Variants in SHROOM3 observed in about 807,000 individuals in gnomAD.
SHROOM3 encodes the protein protein Shroom3.
Under a neutral mutation model 138.6 loss-of-function variants are expected in SHROOM3, and 47 were observed. The ratio of observed to expected loss-of-function variants is 0.34; its 90% confidence interval spans 0.27 to 0.43. The LOEUF (loss-of-function observed/expected upper bound fraction) is 0.43. SHROOM3 is among the 20% of genes least tolerant of loss of function. SHROOM3 has a pLI of 1.00. For synonymous variants in SHROOM3, 1,062 were observed against 1,063.3 expected (o/e 1.00, Z 0.02); for missense variants, 2,491 against 2,596.5 (o/e 0.96, Z 0.88).
intron 1 of SHROOM3, among the ~76,000 whole-genome samples, chr4:76,484,028 A>G (rs911491982): frequency 2.6e-5 from 4 of 152,110 alleles, no homozygotes; most frequent in Non-Finnish European, 4.4e-5. Flanking sequence ...GCATTAGGAG[A>G]AATACCTAAT....
In SHROOM3 at chr4:76,779,090, T is replaced by G; in HGVS notation, c.5904T>G (p.Ala1968=). Residue 1968 remains alanine (A), a synonymous_variant, in exon 11 of 11, where the codon GCT becomes GCG. Transcript: ENST00000296043. ...TCATTCCCAAGGCTGGGGCCCTGGC[T>G]CTGCCCCCAAACCTCACGAGTGAGC... ...SDFIPKAGAL[A]LPPNLTSEPI... 1 of 1,614,198 alleles carries G rather than the reference T, an allele frequency of 6.2e-7. No individual in the cohort carries two copies. The highest frequency in any genetic ancestry group is 8.5e-7 in the Non-Finnish European group (1 of 1,180,042).
Position 76,741,871 on chromosome 4 carries a change from C to G in SHROOM3, c.3698C>G (p.Ala1233Gly), listed in dbSNP as rs759244063. The change falls in exon 5 of 11, where the codon GCG becomes GGG. Residue 1233 changes from alanine (A) to glycine (G), a missense_variant. Coordinates refer to ENST00000296043, the MANE Select transcript of SHROOM3 (RefSeq NM_020859.4). This position sits in a 1 kb window ranked among gnomAD's most constrained non-coding sequence, Gnocchi z 6.2. Reference sequence around the variant, plus strand: ...CTGCTGGAACGCTCGGACGTCCTTGCGGGCCCTGTCCATGTGAGGTCCAGG... The same window carrying G: ...CTGCTGGAACGCTCGGACGTCCTTGGGGGCCCTGTCCATGTGAGGTCCAGG... ...EDLLERSDVLAGPVHVRSRSS... is the reference protein window; with the variant it reads ...EDLLERSDVLGGPVHVRSRSS... The G allele has an allele frequency of 6.2e-7, 1 of 1,611,596 alleles. No individual in the cohort carries two copies. Among genetic ancestry groups the G allele is most frequent in the South Asian group, 1.1e-5 (1 of 90,718 alleles).
At chr4:76,494,805 T>C (rs753637379) in intron 1 of SHROOM3, among the ~76,000 whole-genome samples, 1 of 152,140 alleles carries the variant, frequency 6.6e-6, no homozygotes, top group Non-Finnish European at 1.5e-5. Flanking sequence ...TGATGTCCAA[T>C]GTGCAAGATA....
intron 2 of SHROOM3, among the ~76,000 whole-genome samples, chr4:76,565,649 ATTT>A (rs1214287389): frequency 1.3e-5 from 2 of 151,848 alleles, no homozygotes; most frequent in African/African-American, 4.8e-5. Flanking sequence ...CACCCAGATA[ATTT>A]TTTTATTTTT....
intron 2 of SHROOM3, among the ~76,000 whole-genome samples, chr4:76,566,518 AT>A (rs907262058): frequency 7.9e-5 from 12 of 152,174 alleles, no homozygotes; most frequent in African/African-American, 2.7e-4. Flanking sequence ...TCCATAAAGG[AT>A]TGTTAAATAC....
intron 1 of SHROOM3, among the ~76,000 whole-genome samples, chr4:76,485,512 T>C (rs538614658): frequency 8.3e-4 from 126 of 152,322 alleles, no homozygotes; most frequent in African/African-American, 3.0e-3. Context: ...TGTAGAAGCT[T>C]TGATCGTTTT....
intron 1 of SHROOM3, among the ~76,000 whole-genome samples, chr4:76,441,530 A>G (rs183645594): frequency 4.7e-4 from 71 of 152,246 alleles, no homozygotes; most frequent in African/African-American, 1.5e-3. Context: ...AAAATAGCCA[A>G]TCCTTTCTGA....
chr4:76,720,151 GTTTTTTTTTTT>G (rs59839066), intron 3 of SHROOM3, among the ~76,000 whole-genome samples: 3 of 82,998 alleles, frequency 3.6e-5, no homozygotes, highest in Non-Finnish European at 6.5e-5. Flanking sequence ...TGTTTTTTAG[GTTTTTTTTTTT>G]TTTTTTTTTT....
chr4:76,675,559 A>G (rs1431865311), intron 2 of SHROOM3, among the ~76,000 whole-genome samples: 1 of 152,044 alleles, frequency 6.6e-6, no homozygotes, highest in Non-Finnish European at 1.5e-5. Flanking sequence ...AAAATCCTGG[A>G]GTATATTATA....
At chr4:76,775,120 C>T (rs951648167) in intron 10 of SHROOM3, among the ~76,000 whole-genome samples, 13 of 152,126 alleles carry the variant, frequency 8.5e-5, no homozygotes, top group African/African-American at 1.2e-4. Flanking sequence ...CCACCCTTCC[C>T]GCTGAGTCCC....
intron 3 of SHROOM3, among the ~76,000 whole-genome samples, chr4:76,716,867 A>G (rs916955552): frequency 1.3e-5 from 2 of 152,240 alleles, no homozygotes; most frequent in African/African-American, 4.8e-5. Context: ...CAATATTTGT[A>G]TAAAGAAAGG....
rs1390932098 is a variant in SHROOM3 at position 76,737,503 on chromosome 4, A to G, written c.588-1258A>G. Among the ~76,000 whole-genome samples, 5 of 152,144 alleles carry G rather than the reference A, an allele frequency of 3.3e-5. No homozygotes were observed. In the East Asian group the frequency reaches 9.6e-4, roughly 29 times the overall value. ...ATGTTTAATTTTGTAAGAAACTGCC[A>G]AACTTCTTTTAAAAGTGGCTGTGCC... On this transcript the variant is annotated intron_variant, in intron 4 of 10. Transcript: ENST00000296043.
intron 2 of SHROOM3, among the ~76,000 whole-genome samples, chr4:76,602,440 T>C (rs1336843756): frequency 1.3e-5 from 2 of 152,178 alleles, no homozygotes. Context: ...AATACAGAAA[T>C]TTATAATAAA....
intron 1 of SHROOM3, among the ~76,000 whole-genome samples, chr4:76,484,421 A>G (rs1731685556): frequency 1.3e-5 from 2 of 151,062 alleles, no homozygotes; most frequent in Non-Finnish European, 3.0e-5. Flanking sequence ...AAAAAAAAAA[A>G]TTTGCCAGGC....
intron 2 of SHROOM3, among the ~76,000 whole-genome samples, chr4:76,598,134 C>T (rs1734427748): frequency 6.6e-6 from 1 of 151,006 alleles, no homozygotes; most frequent in African/African-American, 2.4e-5. Context: ...CATGGGCATT[C>T]TCCTGCCTTA....
chr4:76,578,515 T>C (rs1374127945), intron 2 of SHROOM3, among the ~76,000 whole-genome samples: 1 of 152,258 alleles, frequency 6.6e-6, no homozygotes, highest in Non-Finnish European at 1.5e-5. Flanking sequence ...TTTTTGGTTG[T>C]ACCTTACTTA....
At chr4:76,586,266 G>T in intron 2 of SHROOM3, 1 of 985,648 alleles carries the variant, frequency 1.0e-6, no homozygotes, top group Non-Finnish European at 1.2e-6. Context: ...TGCGTCTGTG[G>T]TGTCAGACAC....
chr4:76,694,165 G>A (rs1719654065), intron 2 of SHROOM3, among the ~76,000 whole-genome samples: 1 of 152,144 alleles, frequency 6.6e-6, no homozygotes, highest in Non-Finnish European at 1.5e-5. Flanking sequence ...TTTGTTGTTG[G>A]GTTGGTTTAA....
At chr4:76,768,611 A>G (rs1722241434) in intron 9 of SHROOM3, among the ~76,000 whole-genome samples, 1 of 151,936 alleles carries the variant, frequency 6.6e-6, no homozygotes, top group African/African-American at 2.4e-5. Flanking sequence ...CTCAGGTTCA[A>G]GCGATTCTCC....
Sources: gnomAD v4.1 joint callset for allele counts (sites outside exome capture counted in the v4.1 genomes callset) on GRCh38, gnomAD v4.1.1 for gene constraint, Gnocchi (gnomAD v3.1) non-coding constraint, MANE v1.5 for transcripts, NCBI Gene and HGNC (gene_info 2026-07-23, HGNC 2026-07-21) for gene names.